PXDC1: variants seen among roughly 807,000 people sequenced by gnomAD.
The protein encoded by PXDC1 is PX domain containing 1, also known as PX domain-containing protein 1.
In PXDC1, 13 loss-of-function variants were observed where a neutral mutation model predicts 24.4. The observed-to-expected ratio is 0.53, with a 90% CI of 0.35 to 0.85. The LOEUF is 0.85. Among genes scored for constraint, PXDC1 ranks in the 40% least tolerant of loss-of-function variants. PXDC1 has a pLI of 0.01. For missense variants in PXDC1, 344 were observed against 309.3 expected (o/e 1.11, Z -0.84); for synonymous variants, 162 against 124.9 (o/e 1.30, Z -1.98).
intron 1 of PXDC1, among the ~76,000 whole-genome samples, chr6:3,739,680 G>A (rs1183550908): frequency 3.9e-5 from 6 of 152,234 alleles, no homozygotes; most frequent in Non-Finnish European, 7.3e-5. Context: ...CCCACACGCC[G>A]GGGCAAGCAG....
intron 3 of PXDC1, among the ~76,000 whole-genome samples, chr6:3,730,504 C>T (rs1389292286): frequency 6.6e-6 from 1 of 151,466 alleles, no homozygotes; most frequent in Non-Finnish European, 1.5e-5. Flanking sequence ...AATTAGAACA[C>T]GTCCACAGTT....
chr6:3,736,909 A>C (rs1274768698), intron 3 of PXDC1, among the ~76,000 whole-genome samples, 170 bp downstream of exon 3: 1 of 152,194 alleles, frequency 6.6e-6, no homozygotes, highest in Non-Finnish European at 1.5e-5. Context: ...AGGAGGAAAC[A>C]CTGCTTGGGA....
intron 1 of PXDC1, among the ~76,000 whole-genome samples, chr6:3,746,397 G>A (rs766549354): frequency 6.6e-5 from 10 of 152,222 alleles, no homozygotes; most frequent in African/African-American, 9.6e-5. Flanking sequence ...AGGAGGCCGC[G>A]TGAAGGTGGG....
intron 1 of PXDC1, among the ~76,000 whole-genome samples, chr6:3,746,808 C>T (rs1219564916): frequency 6.6e-6 from 1 of 152,154 alleles, no homozygotes; most frequent in Non-Finnish European, 1.5e-5. Context: ...TCTCCCCTCA[C>T]TGTCCACCCG....
chr6:3,743,590 T>A (rs1760497527), intron 1 of PXDC1, among the ~76,000 whole-genome samples: 1 of 152,180 alleles, frequency 6.6e-6, no homozygotes, highest in Non-Finnish European at 1.5e-5. Context: ...GTTTTCTAAA[T>A]AGGCAGTCAA....
At chr6:3,729,498 G>A (rs546320970) in intron 3 of PXDC1, among the ~76,000 whole-genome samples, 91 of 152,318 alleles carry the variant, frequency 6.0e-4, no homozygotes, top group Non-Finnish European at 1.1e-3. Context: ...TGGTAGGGCT[G>A]CAGGTCCTGA....
rs114119201 is a variant in PXDC1, at chr6:3,748,077, G to T, written c.256+3199C>A. ...CTAGGAGCCTCAAAATGCCAACAAG[G>T]AAATTCAACATGTTTATGTTTTAAA... On this transcript the variant is annotated intron_variant, in intron 1 of 4. Coordinates refer to ENST00000380283, the MANE Select transcript of PXDC1 (RefSeq NM_183373.4). Among the ~76,000 whole-genome samples the T allele has an allele frequency of 9.2e-3, 1,401 of 152,226 alleles. 26 individuals are homozygous for T. The highest frequency in any genetic ancestry group is 0.032 in the African/African-American group (1,341 of 41,530).
At chr6:3,745,992 C>A (rs1469815552) in intron 1 of PXDC1, among the ~76,000 whole-genome samples, 1 of 152,200 alleles carries the variant, frequency 6.6e-6, no homozygotes, top group Admixed American at 6.5e-5. Flanking sequence ...AGGTGTCTGT[C>A]TGCAGAAGAA....
intron 1 of PXDC1, chr6:3,751,001 G>T (rs923038531): frequency 4.7e-6 from 2 of 426,088 alleles, no homozygotes; most frequent in Non-Finnish European, 8.3e-6. Flanking sequence ...CGTCCTCAGG[G>T]AGAGTCCGGC....
chr6:3,736,692 T>C (rs1760323918), intron 3 of PXDC1, among the ~76,000 whole-genome samples: 1 of 152,218 alleles, frequency 6.6e-6, no homozygotes, highest in Admixed American at 6.5e-5. Context: ...GTGCGTCCCT[T>C]TGGTTATGGC....
At chr6:3,739,022 A>T (rs1269922978) in intron 1 of PXDC1, 1 of 1,232,486 alleles carries the variant, frequency 8.1e-7, no homozygotes, top group African/African-American at 1.6e-5. Flanking sequence ...TATTAATGGC[A>T]AAAACCGTGA....
Position 3,751,298 on chromosome 6 carries a change from C to T in PXDC1, c.234G>A (p.Leu78=). Residue 78 remains leucine (L), a synonymous_variant, in exon 1 of 5, where the codon CTG becomes CTA. Transcript: ENST00000380283. ...CACCTTGCCGCAGCGGCCCCTGCGC[C>T]AGTTCGGACCGGTCCTCGGGAAAGG... ...RDAFPEDRSE[L]AQGPLRQGLV... is the part of the protein sequence containing the mutation. 2.0e-6 allele frequency: 3 copies of T among 1,532,898 alleles called. No homozygotes were observed. Among genetic ancestry groups the T allele is most frequent in the Non-Finnish European group, 2.6e-6 (3 of 1,144,424 alleles). 95.0% of individuals were successfully genotyped at this position (1,532,898 alleles called of 1,614,324 possible).
chr6:3,750,584 C>T (rs1760683214), intron 1 of PXDC1, among the ~76,000 whole-genome samples: 1 of 152,236 alleles, frequency 6.6e-6, no homozygotes, highest in East Asian at 1.9e-4. Context: ...AGGGAAGCCA[C>T]CGCGGTTTCT....
intron 1 of PXDC1, among the ~76,000 whole-genome samples, chr6:3,747,888 C>T (rs2127602724): frequency 6.6e-6 from 1 of 152,280 alleles, no homozygotes; most frequent in Non-Finnish European, 1.5e-5. Context: ...AGGCACTATG[C>T]AGATATTTGA....
In PXDC1 at chr6:3,725,744, TGA is replaced by T. The variant is rs1472645705; in HGVS notation, c.578+1805_578+1806del. 6.6e-6 allele frequency among the ~76,000 whole-genome samples: 1 copy of T among 152,272 alleles called. No homozygotes were observed. The highest frequency in any genetic ancestry group is 2.4e-5 in the African/African-American group (1 of 41,560). ...GCCGTGTAGAAACAGATCGTCCCTG[TGA>T]GACACTGGAGCTGGACCATCGACTC... On this transcript the variant is annotated intron_variant, in intron 4 of 4. Coordinates refer to ENST00000380283, the MANE Select transcript of PXDC1 (RefSeq NM_183373.4). This position sits in a 1 kb window ranked among gnomAD's most constrained non-coding sequence, Gnocchi z 4.8.
In PXDC1 at chr6:3,725,253, G is replaced by A. The variant is rs1207371855; in HGVS notation, c.579-1517C>T. ...GCCCGTCCTCCCTGCCCAGATCACA[G>A]GATGACCCTGAGGACATGAGGAGGG... is the stretch of plus-strand genomic sequence containing the variant. On this transcript the variant is annotated intron_variant, in intron 4 of 4. Transcript: ENST00000380283. The surrounding 1 kb of genome is among the most constrained non-coding windows in gnomAD (Gnocchi z 4.8). 6.6e-6 allele frequency among the ~76,000 whole-genome samples: 1 copy of A among 152,168 alleles called. No individual in the cohort carries two copies. Among genetic ancestry groups the A allele is most frequent in the East Asian group, 1.9e-4 (1 of 5,190 alleles).
chr6:3,742,581 C>A (rs934161430), intron 1 of PXDC1, among the ~76,000 whole-genome samples: 7 of 152,166 alleles, frequency 4.6e-5, no homozygotes, highest in Admixed American at 3.3e-4. Context: ...CGCGCGCACT[C>A]TGCGGAAAAA....
At chr6:3,748,200 A>G (rs948365793) in intron 1 of PXDC1, among the ~76,000 whole-genome samples, 4 of 152,204 alleles carry the variant, frequency 2.6e-5, no homozygotes, top group Non-Finnish European at 5.9e-5. Context: ...ACTTGGGCCC[A>G]CTGGTGTTAA....
chr6:3,748,278 C>T (rs1291312035), intron 1 of PXDC1, among the ~76,000 whole-genome samples: 1 of 152,104 alleles, frequency 6.6e-6, no homozygotes, highest in Non-Finnish European at 1.5e-5. Context: ...AAACAGCTAC[C>T]TCCCTCCCCT....
Sources: allele counts gnomAD v4.1 joint callset (sites outside exome capture counted in the v4.1 genomes callset), GRCh38; gene constraint gnomAD v4.1.1; non-coding constraint Gnocchi (gnomAD v3.1); transcripts MANE v1.5; gene names NCBI Gene and HGNC (gene_info 2026-07-23, HGNC 2026-07-21).